ZRANB3: variants seen among roughly 807,000 people sequenced by gnomAD.
ZRANB3 encodes zinc finger RANBP2-type containing 3, also known as DNA annealing helicase and endonuclease ZRANB3.
Under a neutral mutation model 133.8 loss-of-function variants are expected in ZRANB3, and 125 were observed. That is an observed-to-expected ratio of 0.93 (90% CI 0.81 to 1.08). The LOEUF (loss-of-function observed/expected upper bound fraction) is 1.08, where lower values mean the gene tolerates loss of function less well. ZRANB3 is among the 50% of genes least tolerant of loss of function. ZRANB3 has a pLI of 0.00. For synonymous variants in ZRANB3, 387 were observed against 432.7 expected (o/e 0.89, Z 1.31); for missense variants, 1,229 against 1,275.5 (o/e 0.96, Z 0.56).
intron 6 of ZRANB3, 122 bp from the exon 7 acceptor site, chr2:135,315,652 G>C: frequency 1.4e-6 from 1 of 723,050 alleles, no homozygotes. Context: ...TGATATTTCT[G>C]AATGAATATT....
intron 2 of ZRANB3, among the ~76,000 whole-genome samples, chr2:135,473,522 G>C (rs920373169): frequency 7.3e-5 from 11 of 150,638 alleles, no homozygotes; most frequent in African/African-American, 2.5e-4. Flanking sequence ...CATTGCCTTT[G>C]TCTCAAGATA....
At chr2:135,446,789 G>T (rs1167717322) in intron 2 of ZRANB3, among the ~76,000 whole-genome samples, 1 of 152,186 alleles carries the variant, frequency 6.6e-6, no homozygotes, top group East Asian at 1.9e-4. Flanking sequence ...TCAATAGATT[G>T]TAGGTCCTGG....
At chr2:135,298,364 G>C (rs1368375635) in intron 8 of ZRANB3, among the ~76,000 whole-genome samples, 1 of 152,160 alleles carries the variant, frequency 6.6e-6, no homozygotes, top group Non-Finnish European at 1.5e-5. Flanking sequence ...TGGTGAGCTA[G>C]TGTGATCTTT....
intron 8 of ZRANB3, among the ~76,000 whole-genome samples, chr2:135,310,244 C>A (rs1367632384): frequency 6.6e-6 from 1 of 152,058 alleles, no homozygotes; most frequent in Non-Finnish European, 1.5e-5. Context: ...GCCTTCAAGA[C>A]TTATTATAAA....
chr2:135,280,495 A>T (rs1681052535), intron 8 of ZRANB3, among the ~76,000 whole-genome samples: 1 of 152,180 alleles, frequency 6.6e-6, no homozygotes, highest in Non-Finnish European at 1.5e-5. Context: ...TGAGCCCGGG[A>T]GGCAGAGGTT....
intron 1 of ZRANB3, among the ~76,000 whole-genome samples, chr2:135,529,675 A>ATG (rs915647507): frequency 1.1e-4 from 16 of 151,484 alleles, no homozygotes; most frequent in Admixed American, 2.0e-4. Flanking sequence ...CGTCCGGCTA[A>ATG]TGTGTGTGTG....
At chr2:135,381,780 G>C (rs1686711465) in intron 3 of ZRANB3, among the ~76,000 whole-genome samples, 1 of 152,182 alleles carries the variant, frequency 6.6e-6, no homozygotes, top group Admixed American at 6.5e-5. Flanking sequence ...GCAGCTGAGG[G>C]TCCTGACTGT....
intron 5 of ZRANB3, 31 bp downstream of exon 5, chr2:135,349,952 CT>C: frequency 6.3e-7 from 1 of 1,597,614 alleles, no homozygotes. Context: ...CCCTTCTCTT[CT>C]TTTAAGTTCG....
intron 1 of ZRANB3, chr2:135,511,372 C>T: frequency 1.2e-6 from 1 of 802,654 alleles, no homozygotes; most frequent in East Asian, 2.4e-5. Context: ...AGTTCAGCAA[C>T]TGGCTCCTCT....
chr2:135,381,809 A>C (rs767915831), intron 3 of ZRANB3, among the ~76,000 whole-genome samples: 6 of 152,334 alleles, frequency 3.9e-5, no homozygotes, highest in Middle Eastern at 3.4e-3. Context: ...AAACTAACAA[A>C]CAGAAAGGAC....
chr2:135,290,878 C>T (rs574663684), intron 8 of ZRANB3, among the ~76,000 whole-genome samples: 1 of 152,202 alleles, frequency 6.6e-6, no homozygotes, highest in African/African-American at 2.4e-5. Context: ...TTGATTATTC[C>T]CCGAAATAAG....
At chr2:135,221,679 G>A (rs1558839047) in intron 15 of ZRANB3, among the ~76,000 whole-genome samples, 1 of 152,200 alleles carries the variant, frequency 6.6e-6, no homozygotes, top group Non-Finnish European at 1.5e-5. Context: ...AAGAGGCATG[G>A]CCTAAAGATC....
At chr2:135,203,612 CAA>C (rs1051712787) in intron 19 of ZRANB3, among the ~76,000 whole-genome samples, 8 of 62,052 alleles carry the variant, frequency 1.3e-4, no homozygotes, top group Admixed American at 3.4e-4. Flanking sequence ...GACTCGGTCT[CAA>C]AAAAAAAAAA....
rs573643252 is a variant in ZRANB3 at position 135,430,153 on chromosome 2, G to A, written c.162-39333C>T. The stretch of plus-strand genomic sequence containing the variant: ...ATCACACCACTGCGTTCCAGCATGC[G>A]TGACAGAGCAAGACTCTGTCTCAAA... On this transcript the variant is annotated intron_variant, in intron 2 of 20. Coordinates refer to ENST00000264159, the MANE Select transcript of ZRANB3 (RefSeq NM_032143.4). Among the ~76,000 whole-genome samples the A allele has an allele frequency of 2.2e-4, 33 of 151,886 alleles. No homozygotes were observed. In the South Asian group the frequency reaches 5.8e-3, roughly 27 times the overall value.
At chr2:135,265,783 A>G in intron 11 of ZRANB3, 97 bp from the exon 12 acceptor site, 1 of 1,296,940 alleles carries the variant, frequency 7.7e-7, no homozygotes, top group Non-Finnish European at 1.0e-6. Flanking sequence ...TAAGCTACCC[A>G]CTAAGAAAAT....
intron 1 of ZRANB3, among the ~76,000 whole-genome samples, chr2:135,505,925 T>C (rs1054096066): frequency 2.0e-5 from 3 of 152,202 alleles, no homozygotes; most frequent in African/African-American, 7.2e-5. Context: ...CTGGTCACTT[T>C]AGGTAGGCTG....
intron 17 of ZRANB3, among the ~76,000 whole-genome samples, chr2:135,213,692 T>G (rs544180768): frequency 1.3e-5 from 2 of 152,188 alleles, no homozygotes; most frequent in African/African-American, 2.4e-5. Flanking sequence ...TATACTAGAA[T>G]AGTCTTTTAA....
intron 8 of ZRANB3, among the ~76,000 whole-genome samples, chr2:135,303,807 T>C (rs1415020435): frequency 6.6e-6 from 1 of 152,238 alleles, no homozygotes; most frequent in Non-Finnish European, 1.5e-5. Context: ...TTATTTAAAT[T>C]TGCTTTACTT....
In ZRANB3 at chr2:135,228,005, T is replaced by A. The variant is rs1390028075; in HGVS notation, c.1965A>T (p.Ile655=). 1 of 1,536,274 alleles carries A rather than the reference T, an allele frequency of 6.5e-7. No homozygotes were observed. The highest frequency in any genetic ancestry group is 2.1e-5 in the Admixed American group (1 of 48,200). The change falls in exon 14 of 21, where the codon ATA becomes ATT. Residue 655 remains isoleucine, a synonymous_variant. Coordinates refer to ENST00000264159, the MANE Select transcript of ZRANB3 (RefSeq NM_032143.4). ...ETPQGSAVMQ[I]DSLNHIQDKN... is the part of the protein sequence containing the mutation. Reference sequence around the variant, plus strand: ...TATCCTGGATATGGTTGAGGCTATCTATTTGCATAACTATTAAAATAAAAA... The same window carrying A: ...TATCCTGGATATGGTTGAGGCTATCAATTTGCATAACTATTAAAATAAAAA...
Sources: allele counts gnomAD v4.1 joint callset (sites outside exome capture counted in the v4.1 genomes callset), GRCh38; gene constraint gnomAD v4.1.1; transcripts MANE v1.5; gene names NCBI Gene and HGNC (gene_info 2026-07-23, HGNC 2026-07-21).